FAM227B: variants seen among roughly 807,000 people sequenced by gnomAD.
FAM227B encodes the protein protein FAM227B.
Under a neutral mutation model 73.8 loss-of-function variants are expected in FAM227B, and 88 were observed. That is an observed-to-expected ratio of 1.19 (90% CI 1.00 to 1.42). The LOEUF (loss-of-function observed/expected upper bound fraction) is 1.42, where lower values mean the gene tolerates loss of function less well. Among genes scored for constraint, FAM227B ranks in the 40% most tolerant of loss-of-function variants. The pLI is 0.00. For missense variants in FAM227B, 632 were observed against 590.9 expected (o/e 1.07, Z -0.72); for synonymous variants, 210 against 190.5 (o/e 1.10, Z -0.84).
At chr15:49,406,147 T>C (rs2048493563) in intron 11 of FAM227B, among the ~76,000 whole-genome samples, 2 of 152,194 alleles carry the variant, frequency 1.3e-5, no homozygotes, top group African/African-American at 4.8e-5. Context: ...CCCAGACCAC[T>C]GGTCACTGCA....
intron 13 of FAM227B, chr15:49,344,125 CAT>C (rs1416317545): frequency 6.6e-6 from 1 of 152,088 alleles, no homozygotes; most frequent in Admixed American, 6.5e-5. Flanking sequence ...TATGAAATCT[CAT>C]ATTGATGAAT....
At chr15:49,592,944 G>A (rs1377007129) in intron 3 of FAM227B, among the ~76,000 whole-genome samples, 1 of 152,192 alleles carries the variant, frequency 6.6e-6, no homozygotes, top group East Asian at 1.9e-4. Context: ...ATCTCAGACT[G>A]CTGCACCAGC....
At chr15:49,367,335 A>G (rs962625839) in intron 13 of FAM227B, 113 bp downstream of exon 13, 5 of 964,948 alleles carry the variant, frequency 5.2e-6, no homozygotes, top group Non-Finnish European at 7.4e-6. Flanking sequence ...TACTAAACAG[A>G]AGCATTGATA....
chr15:49,574,096 A>C (rs1280822995), intron 8 of FAM227B, among the ~76,000 whole-genome samples: 1 of 152,094 alleles, frequency 6.6e-6, no homozygotes, highest in Non-Finnish European at 1.5e-5. Flanking sequence ...TGACTTTGTA[A>C]GTTAAATGCC....
chr15:49,520,463 T>C (rs2059701572), intron 10 of FAM227B, among the ~76,000 whole-genome samples: 1 of 152,194 alleles, frequency 6.6e-6, no homozygotes. Flanking sequence ...GGTGCCAATT[T>C]ACTGTATTAG....
intron 9 of FAM227B, among the ~76,000 whole-genome samples, chr15:49,553,682 C>A (rs1230280992): frequency 6.6e-6 from 1 of 152,210 alleles, no homozygotes; most frequent in Non-Finnish European, 1.5e-5. Context: ...CACTGTCACA[C>A]CATGCCATGA....
chr15:49,334,926 AC>A (rs1433597262), intron 14 of FAM227B, among the ~76,000 whole-genome samples: 10 of 152,190 alleles, frequency 6.6e-5, no homozygotes, highest in African/African-American at 2.4e-4. Flanking sequence ...ACATAAGATT[AC>A]CATGACTGAC....
chr15:49,561,545 C>A (rs2074258944), intron 9 of FAM227B, among the ~76,000 whole-genome samples: 1 of 152,230 alleles, frequency 6.6e-6, no homozygotes, highest in South Asian at 2.1e-4. Context: ...GCACTCCACC[C>A]ATCAACTAGA....
chr15:49,516,362 G>T (rs2059379108), intron 10 of FAM227B, among the ~76,000 whole-genome samples: 1 of 151,958 alleles, frequency 6.6e-6, no homozygotes, highest in Non-Finnish European at 1.5e-5. Flanking sequence ...CTGCTAAATT[G>T]TTATTACTTG....
At chr15:49,348,255 C>G (rs2041805526) in intron 13 of FAM227B, among the ~76,000 whole-genome samples, 1 of 152,058 alleles carries the variant, frequency 6.6e-6, no homozygotes, top group Admixed American at 6.6e-5. Flanking sequence ...TTCAATCACC[C>G]CTCTACCCTC....
chr15:49,613,318 A>T (rs1485825272), intron 2 of FAM227B, among the ~76,000 whole-genome samples: 1 of 152,178 alleles, frequency 6.6e-6, no homozygotes. Context: ...AGTACAAGAG[A>T]CCAGCCTGGC....
At chr15:49,593,517 T>C (rs994730160) in intron 3 of FAM227B, among the ~76,000 whole-genome samples, 2 of 152,094 alleles carry the variant, frequency 1.3e-5, no homozygotes, top group Admixed American at 6.6e-5. Flanking sequence ...AGTGGTGATT[T>C]CTGAGATTTT....
At chr15:49,414,407 GA>G (rs1350816120) in intron 11 of FAM227B, among the ~76,000 whole-genome samples, 1 of 151,468 alleles carries the variant, frequency 6.6e-6, no homozygotes, top group African/African-American at 2.4e-5. Context: ...TGGGGGGAGG[GA>G]GGGGGGAAAT....
At chr15:49,452,980 C>G (rs931466990) in intron 11 of FAM227B, among the ~76,000 whole-genome samples, 4 of 151,898 alleles carry the variant, frequency 2.6e-5, no homozygotes, top group Non-Finnish European at 4.4e-5. Context: ...TCCATAGGGC[C>G]CAAATTCACA....
At chr15:49,580,146 G>T (rs2075720112) in intron 5 of FAM227B, among the ~76,000 whole-genome samples, 1 of 151,986 alleles carries the variant, frequency 6.6e-6, no homozygotes, top group East Asian at 1.9e-4. Flanking sequence ...TTAACAAAAA[G>T]AATAACTATT....
chr15:49,476,487 C>T (rs983200438), intron 11 of FAM227B, among the ~76,000 whole-genome samples: 2 of 151,808 alleles, frequency 1.3e-5, no homozygotes. Flanking sequence ...CTACAATTTC[C>T]AAAGTGTGTT....
intron 3 of FAM227B, chr15:49,606,101 T>C (rs2077503157): frequency 6.6e-6 from 1 of 152,242 alleles, no homozygotes; most frequent in Non-Finnish European, 1.5e-5. Context: ...GTATCTTTTC[T>C]TATTTCTGTG....
chr15:49,365,276 G>C, intron 13 of FAM227B: 1 of 1,443,744 alleles, frequency 6.9e-7, no homozygotes, highest in Non-Finnish European at 9.8e-7. Flanking sequence ...AAGTGTGCAA[G>C]TTACTAAATA....
At chr15:49,604,569 G>A (rs1447447116) in intron 3 of FAM227B, among the ~76,000 whole-genome samples, 1 of 151,858 alleles carries the variant, frequency 6.6e-6, no homozygotes, top group East Asian at 1.9e-4. Flanking sequence ...TGGGCTTCAT[G>A]GATCCTGCTG....
Sources: allele counts gnomAD v4.1 joint callset (sites outside exome capture counted in the v4.1 genomes callset), GRCh38; gene constraint gnomAD v4.1.1; transcripts MANE v1.5; gene names NCBI Gene and HGNC (gene_info 2026-07-23, HGNC 2026-07-21).